The following PCNX3 variants were observed in gnomAD, a reference collection of about 807,000 sequenced individuals.
The protein encoded by PCNX3 is pecanex 3, also known as pecanex-like protein 3.
Under a neutral mutation model 207.2 loss-of-function variants are expected in PCNX3, and 58 were observed. That is an observed-to-expected ratio of 0.28 (90% CI 0.23 to 0.35). The LOEUF is 0.35. Ranked by LOEUF, PCNX3 falls within the 10% of genes least tolerant of loss-of-function variation. The probability of loss-of-function intolerance (pLI) is 1.00; values close to 1 mark genes in which losing one functional copy is unlikely to be tolerated. For synonymous variants in PCNX3, 1,337 were observed against 1,183.5 expected (o/e 1.13, Z -2.66); for missense variants, 2,410 against 2,774.4 (o/e 0.87, Z 2.95).
chr11:65,636,196 G>A lies in PCNX3; in HGVS notation c.5482G>A (p.Gly1828Ser), dbSNP rs377143009. The A allele has an allele frequency of 4.4e-6, 7 of 1,602,592 alleles. No individual in the cohort carries two copies. The Admixed American group carries it at 6.9e-5, about 16-fold the overall frequency. The stretch of plus-strand genomic sequence containing the variant: ...CAGGCTTCACAAGGGCTGTGGCGCC[G>A]GCTGCAATAGTGGCGGGAACGTGGA... ...WERLHKGCGA[G>S]CNSGGNVDDS... Residue 1828 changes from glycine (G) to serine (S), a missense_variant, in exon 33 of 35, where the codon GGC becomes AGC. Gly to Ser is a moderately conservative substitution (Grantham distance 56, BLOSUM62 0). This residue lies in a region of PCNX3 where 59 missense variants were observed against 83.9 expected (regional missense o/e 0.70). Transcript: ENST00000355703.
Position 65,627,511 on chromosome 11 carries a change from C to T in PCNX3, c.3631C>T (p.His1211Tyr). 2.5e-6 allele frequency: 4 copies of T among 1,613,892 alleles called. No homozygotes were observed. Among genetic ancestry groups the T allele is most frequent in the Non-Finnish European group, 3.4e-6 (4 of 1,179,882 alleles). The change falls in exon 22 of 35, where the codon CAC (histidine) becomes TAC (tyrosine). Residue 1211 changes from histidine to tyrosine, a missense_variant. Physicochemically the swap from His to Tyr is moderately conservative, Grantham distance 83. Transcript: ENST00000355703. The stretch of plus-strand genomic sequence containing the variant: ...GTTGGCCTTCACCGTCCTGCTCTTC[C>T]ACTTTGACTACCCGCGCCTCTCCCA... ...LTLAFTVLLF[H>Y]FDYPRLSQGF...
Position 65,628,818 on chromosome 11 carries a change from G to C in PCNX3, c.3812-1G>C. The stretch of plus-strand genomic sequence containing the variant: ...CCGCCGCCTCCTTGACTGTGGCTCA[G>C]ACTCGGCCATGCTGTTCGTCCAGGC... On this transcript the variant is annotated splice_acceptor_variant, in intron 23 of 34. Transcript: ENST00000355703. LOFTEE classifies it high-confidence loss of function. 6.2e-7 allele frequency: 1 copy of C among 1,611,282 alleles called. No individual in the cohort carries two copies. The highest frequency in any genetic ancestry group is 8.5e-7 in the Non-Finnish European group (1 of 1,179,784).
intron 20 of PCNX3, chr11:65,626,277 C>T (rs1855386313): frequency 2.8e-6 from 2 of 708,250 alleles, no homozygotes; most frequent in South Asian, 1.5e-5. Flanking sequence ...GCCTGTGTTG[C>T]CCTGGTCCTG....
chr11:65,621,294 C>T (rs1038247398), intron 10 of PCNX3, among the ~76,000 whole-genome samples: 1 of 152,154 alleles, frequency 6.6e-6, no homozygotes, highest in Non-Finnish European at 1.5e-5. Context: ...CAAGCAGGGA[C>T]CCTGTGATGA....
In PCNX3 at chr11:65,635,996, C is replaced by T. The variant is rs750265641; in HGVS notation, c.5460-178C>T. The stretch of plus-strand genomic sequence containing the variant: ...CTGACAGTGGCCTTTAGTCATCAAG[C>T]ACTGTTGACAACGCACCCTCAAAAG... On this transcript the variant is annotated intron_variant, in intron 32 of 34. Transcript: ENST00000355703. The surrounding 1 kb of genome is among the most constrained non-coding windows in gnomAD (Gnocchi z 9.9). Among the ~76,000 whole-genome samples, 17 of 152,160 alleles carry T rather than the reference C, an allele frequency of 1.1e-4. No homozygotes were observed. Among genetic ancestry groups the T allele is most frequent in the Non-Finnish European group, 2.2e-4 (15 of 68,020 alleles).
Position 65,617,455 on chromosome 11 carries a change from T to G in PCNX3, c.442-15T>G, listed in dbSNP as rs757565883. 6.2e-7 allele frequency: 1 copy of G among 1,613,870 alleles called. No homozygotes were observed. ...CTTGCCTTGTTTGTTCCTTCATGGC[T>G]CTCTGTCTACTCAGGAGCTGCTGCC... On this transcript the variant is annotated splice_polypyrimidine_tract_variant and intron_variant, in intron 3 of 34. Coordinates refer to ENST00000355703, the MANE Select transcript of PCNX3 (RefSeq NM_032223.4).
In PCNX3 at chr11:65,635,771, C is replaced by G. The variant is rs893704822; in HGVS notation, c.5427C>G (p.Ala1809=). 6.2e-7 allele frequency: 1 copy of G among 1,603,942 alleles called. No individual in the cohort carries two copies. Among genetic ancestry groups the G allele is most frequent in the Non-Finnish European group, 8.5e-7 (1 of 1,175,886 alleles). Reference sequence around the variant, plus strand: ...GGGGTGGCCCCATCAGCCTGGGTGCCATTGCCCACTGGCTCCTGCGCACCT... The same window carrying G: ...GGGGTGGCCCCATCAGCCTGGGTGCGATTGCCCACTGGCTCCTGCGCACCT... ...ALWGGPISLG[A]IAHWLLRTWE... The change falls in exon 32 of 35, where the codon GCC becomes GCG. Residue 1809 remains alanine (A), a synonymous_variant. Coordinates refer to ENST00000355703, the MANE Select transcript of PCNX3 (RefSeq NM_032223.4). This position sits in a 1 kb window ranked among gnomAD's most constrained non-coding sequence, Gnocchi z 9.9.
At chr11:65,628,760 G>A in intron 23 of PCNX3, 57 bp downstream of exon 23, 1 of 1,601,394 alleles carries the variant, frequency 6.2e-7, no homozygotes, top group Non-Finnish European at 8.5e-7. Flanking sequence ...CTGGGGCAGT[G>A]GGGGGTGGTG....
intron 24 of PCNX3, 75 bp from the exon 25 acceptor site, chr11:65,629,282 C>T (rs1450560392): frequency 7.5e-6 from 11 of 1,461,148 alleles, no homozygotes; most frequent in Non-Finnish European, 1.0e-5. Context: ...CCTTGTGGCA[C>T]AGGGAGAGCA....
Position 65,635,586 on chromosome 11 carries a change from C to T in PCNX3, c.5242C>T (p.Leu1748=), listed in dbSNP as rs1268513025. 5 of 1,612,720 alleles carry T rather than the reference C, an allele frequency of 3.1e-6. No homozygotes were observed. Among genetic ancestry groups the T allele is most frequent in the Non-Finnish European group, 4.2e-6 (5 of 1,179,742 alleles). The part of the protein sequence containing the change: ...WAGQQQELVF[L]RNRNPERGSI... ...CGGGCAGCAGCAGGAGCTGGTGTTC[C>T]TGCGCAACCGCAACCCCGAGCGTGG... The change falls in exon 32 of 35, where the codon CTG becomes TTG. Residue 1748 remains leucine (L), a synonymous_variant. Coordinates refer to ENST00000355703, the MANE Select transcript of PCNX3 (RefSeq NM_032223.4). This position sits in a 1 kb window ranked among gnomAD's most constrained non-coding sequence, Gnocchi z 9.9.
At position 65,619,143 on chromosome 11, in the gene PCNX3, ATG is replaced by A. The variant is rs1014638728; in HGVS notation, c.1705+77_1705+78del. On this transcript the variant is annotated intron_variant, in intron 6 of 34. Coordinates refer to ENST00000355703, the MANE Select transcript of PCNX3 (RefSeq NM_032223.4). The stretch of plus-strand genomic sequence containing the variant: ...GGGGTTGGGCAAAGGGCAGGTAAGA[ATG>A]GACCTGGTCAGTGTCAGCTCAGCCT... 4 of 1,201,960 alleles carry A rather than the reference ATG, an allele frequency of 3.3e-6. No individual in the cohort carries two copies. The Admixed American group carries it at 6.1e-5, about 18-fold the overall frequency. The allele number at this position is 1,201,960 out of a possible 1,614,324, so 74.5% of individuals were successfully genotyped here.
rs773391774 is a variant in PCNX3, at chr11:65,635,087, G to T, written c.4920G>T (p.Ala1640=). Reference sequence around the variant, plus strand: ...TGGACCTGCTTCACCGCGTTGTGGCGCCTGGGGTTCGCATGGCCCTCAAGC... The same window carrying T: ...TGGACCTGCTTCACCGCGTTGTGGCTCCTGGGGTTCGCATGGCCCTCAAGC... ...ADMDLLHRVV[A]PGVRMALKLH... Residue 1640 remains alanine (A), a synonymous_variant, in exon 30 of 35, where the codon GCG becomes GCT. Coordinates refer to ENST00000355703, the MANE Select transcript of PCNX3 (RefSeq NM_032223.4). The surrounding 1 kb of genome is among the most constrained non-coding windows in gnomAD (Gnocchi z 9.9). 4 of 1,613,688 alleles carry T rather than the reference G, an allele frequency of 2.5e-6. No homozygotes were observed. In the South Asian group the frequency reaches 3.3e-5, roughly 13 times the overall value.
Position 65,635,596 on chromosome 11 carries a change from G to A in PCNX3, c.5252G>A (p.Arg1751His), listed in dbSNP as rs767915000. 4.3e-6 allele frequency: 7 copies of A among 1,612,582 alleles called. No individual in the cohort carries two copies. In the Admixed American group the frequency reaches 5.0e-5, roughly 12 times the overall value. ...QQQELVFLRNRNPERGSIQNA... is the reference protein window; with the variant it reads ...QQQELVFLRNHNPERGSIQNA... ...CAGGAGCTGGTGTTCCTGCGCAACC[G>A]CAACCCCGAGCGTGGCAGCATCCAG... The change falls in exon 32 of 35, where the codon CGC becomes CAC. Residue 1751 changes from arginine (R) to histidine (H), a missense_variant. Coordinates refer to ENST00000355703, the MANE Select transcript of PCNX3 (RefSeq NM_032223.4). This position sits in a 1 kb window ranked among gnomAD's most constrained non-coding sequence, Gnocchi z 9.9.
chr11:65,628,775 G>GGGGGGGGC, intron 23 of PCNX3, 44 bp from the exon 24 acceptor site: 2 of 1,500,454 alleles, frequency 1.3e-6, no homozygotes, highest in African/African-American at 1.4e-5. Flanking sequence ...GTGGTGGGGG[G>GGGGGGGGC]CTGGGAGGTC....
Position 65,616,418 on chromosome 11 carries a change from T to A in PCNX3, c.107T>A (p.Leu36His). 1 of 1,610,324 alleles carries A rather than the reference T, an allele frequency of 6.2e-7. No individual in the cohort carries two copies. The highest frequency in any genetic ancestry group is 8.5e-7 in the Non-Finnish European group (1 of 1,179,480). The change falls in exon 1 of 35, where the codon CTC (leucine) becomes CAC (histidine). Residue 36 changes from leucine (L) to histidine (H), a missense_variant. Physicochemically the swap from Leu to His is moderately conservative, Grantham distance 99. Coordinates refer to ENST00000355703, the MANE Select transcript of PCNX3 (RefSeq NM_032223.4). ...AGCACCTTCTCCAACTGCTTCCACC[T>A]CTATGTCTGGATCTTCCTGCTCATC... ...HQSTFSNCFH[L>H]YVWIFLLIFP...
intron 27 of PCNX3, among the ~76,000 whole-genome samples, chr11:65,633,581 G>A (rs1341440033): frequency 6.6e-6 from 1 of 152,232 alleles, no homozygotes; most frequent in African/African-American, 2.4e-5. Context: ...TCCCGCGCTC[G>A]GGGTTATGTT....
chr11:65,618,136 G>C lies in PCNX3; in HGVS notation c.774G>C (p.Gln258His). ...GCAAGAGCTTCCTGACCCTGACCCAGCCTGACCGGGCCCTGGTGAGGACCA... is the reference window on the plus strand; with the variant it reads ...GCAAGAGCTTCCTGACCCTGACCCACCCTGACCGGGCCCTGGTGAGGACCA... ...ELSKSFLTLTQPDRALVRTSS... is the reference protein window; with the variant it reads ...ELSKSFLTLTHPDRALVRTSS... The change falls in exon 6 of 35, where the codon CAG (glutamine) becomes CAC (histidine). Residue 258 changes from glutamine to histidine, a missense_variant. Transcript: ENST00000355703. The C allele has an allele frequency of 1.2e-6, 2 of 1,610,462 alleles. No homozygotes were observed. The highest frequency in any genetic ancestry group is 2.2e-5 in the South Asian group (2 of 90,968).
intron 12 of PCNX3, 115 bp from the exon 13 acceptor site, chr11:65,623,814 G>A (rs1855236635): frequency 7.1e-6 from 11 of 1,548,946 alleles, no homozygotes; most frequent in Non-Finnish European, 9.7e-6. Flanking sequence ...AGGACAGTTC[G>A]GGGGCCTGAC....
intron 24 of PCNX3, 116 bp from the exon 25 acceptor site, chr11:65,629,241 T>A: frequency 8.8e-7 from 1 of 1,130,016 alleles, no homozygotes; most frequent in Non-Finnish European, 1.3e-6. Flanking sequence ...CTCATCTGCC[T>A]GCATAACGGG....
Sources: allele counts gnomAD v4.1 joint callset (sites outside exome capture counted in the v4.1 genomes callset), GRCh38; gene constraint gnomAD v4.1.1; regional missense constraint gnomAD v4.1.1; non-coding constraint Gnocchi (gnomAD v3.1); transcripts MANE v1.5; gene names NCBI Gene and HGNC (gene_info 2026-07-23, HGNC 2026-07-21).